The following SNTG1 variants were observed in gnomAD, a reference collection of about 807,000 sequenced individuals.
The protein encoded by SNTG1 is gamma-1-syntrophin.
In SNTG1, 39 loss-of-function variants were observed where a neutral mutation model predicts 74.7. That is an observed-to-expected ratio of 0.52 (90% CI 0.40 to 0.68). The LOEUF (loss-of-function observed/expected upper bound fraction) is 0.68, where lower values mean the gene tolerates loss of function less well. SNTG1 is among the 30% of genes least tolerant of loss of function. The pLI, the probability that SNTG1 is intolerant of heterozygous loss-of-function variation, is 0.00. For missense variants in SNTG1, 685 were observed against 609.5 expected (o/e 1.12, Z -1.30); for synonymous variants, 254 against 217.1 (o/e 1.17, Z -1.49).
At chr8:50,212,542 T>C (rs2084571678) in intron 2 of SNTG1, among the ~76,000 whole-genome samples, 1 of 152,080 alleles carries the variant, frequency 6.6e-6, no homozygotes, top group Non-Finnish European at 1.5e-5. Context: ...CAAGAATTCA[T>C]GGTAAGAGGG....
At chr8:50,152,635 G>A (rs979190151) in intron 1 of SNTG1, among the ~76,000 whole-genome samples, 4 of 152,134 alleles carry the variant, frequency 2.6e-5, no homozygotes, top group African/African-American at 9.7e-5. Flanking sequence ...TTGCTTGTCT[G>A]TAAAGGATTT....
At chr8:50,075,103 T>C (rs531803448) in intron 1 of SNTG1, among the ~76,000 whole-genome samples, 1 of 152,292 alleles carries the variant, frequency 6.6e-6, no homozygotes, top group South Asian at 2.1e-4. Context: ...CCCTGAAAAG[T>C]AGGACTCAGG....
chr8:50,748,103 A>G (rs2095559295), intron 17 of SNTG1, among the ~76,000 whole-genome samples: 1 of 152,074 alleles, frequency 6.6e-6, no homozygotes, highest in East Asian at 1.9e-4. Context: ...ATACATATGT[A>G]CAAATGGAGA....
intron 8 of SNTG1, among the ~76,000 whole-genome samples, chr8:50,472,706 G>A (rs2093662888): frequency 6.6e-6 from 1 of 151,902 alleles, no homozygotes. Context: ...GTGCATCAAA[G>A]GACACAGTCA....
intron 1 of SNTG1, among the ~76,000 whole-genome samples, chr8:49,937,873 C>A (rs1188770456): frequency 2.6e-5 from 4 of 152,164 alleles, no homozygotes; most frequent in South Asian, 2.1e-4. Context: ...TGCCTTCCTC[C>A]CTCCTCCTTC....
At chr8:50,435,029 T>A (rs1352793566) in intron 4 of SNTG1, among the ~76,000 whole-genome samples, 2 of 152,142 alleles carry the variant, frequency 1.3e-5, no homozygotes, top group African/African-American at 4.8e-5. Flanking sequence ...TCCAATATAG[T>A]TCATACAATC....
At chr8:50,254,521 A>G (rs1173109538) in intron 2 of SNTG1, among the ~76,000 whole-genome samples, 9 of 152,112 alleles carry the variant, frequency 5.9e-5, no homozygotes, top group Admixed American at 5.9e-4. Flanking sequence ...GAACTATGAC[A>G]AGACTAAAAG....
intron 2 of SNTG1, among the ~76,000 whole-genome samples, chr8:50,363,336 C>T (rs1189190812): frequency 6.6e-6 from 1 of 152,114 alleles, no homozygotes; most frequent in East Asian, 1.9e-4. Flanking sequence ...GGTGGTGAAT[C>T]TGGGAGGTAA....
At chr8:50,369,213 G>A (rs1194780929) in intron 2 of SNTG1, among the ~76,000 whole-genome samples, 1 of 152,192 alleles carries the variant, frequency 6.6e-6, no homozygotes. Flanking sequence ...TAATGTGACT[G>A]TATTTCATGG....
intron 1 of SNTG1, among the ~76,000 whole-genome samples, chr8:49,979,127 TG>T (rs1158545377): frequency 3.3e-5 from 5 of 152,198 alleles, no homozygotes; most frequent in Non-Finnish European, 7.3e-5. Context: ...AATTTGGTAG[TG>T]TAACTAGCAG....
intron 8 of SNTG1, among the ~76,000 whole-genome samples, chr8:50,502,352 C>T (rs969906400): frequency 1.3e-5 from 2 of 152,136 alleles, no homozygotes; most frequent in African/African-American, 4.8e-5. Flanking sequence ...TACATCTTAG[C>T]TTATTTTATG....
At chr8:50,366,857 T>C (rs1470165851) in intron 2 of SNTG1, among the ~76,000 whole-genome samples, 2 of 146,150 alleles carry the variant, frequency 1.4e-5, no homozygotes, top group African/African-American at 5.0e-5. Context: ...CTATATTATA[T>C]ATATTATAGT....
At chr8:50,093,664 C>T (rs192970225) in intron 1 of SNTG1, among the ~76,000 whole-genome samples, 2 of 151,908 alleles carry the variant, frequency 1.3e-5, no homozygotes, top group Non-Finnish European at 2.9e-5. Context: ...GTAAGACCTA[C>T]GAGATGCTAA....
intron 18 of SNTG1, among the ~76,000 whole-genome samples, chr8:50,781,819 G>T (rs532061739): frequency 7.2e-5 from 11 of 152,110 alleles, no homozygotes; most frequent in Non-Finnish European, 1.5e-4. Context: ...TTACAATTTG[G>T]CATGATTTTG....
intron 2 of SNTG1, among the ~76,000 whole-genome samples, chr8:50,247,321 C>G (rs888250521): frequency 3.9e-5 from 6 of 152,118 alleles, no homozygotes; most frequent in African/African-American, 1.4e-4. Flanking sequence ...TTCTTCCACC[C>G]AAGTTTCACC....
In SNTG1 at chr8:50,362,162, G is replaced by C. The variant is rs184032641; in HGVS notation, c.-27-32050G>C. On this transcript the variant is annotated intron_variant, in intron 2 of 18. Coordinates refer to ENST00000642720, the MANE Select transcript of SNTG1 (RefSeq NM_018967.5). ...ACTATGGATTTTGTAAGCCAGGGAA[G>C]GGCTTGCTACATTTTATTGTCCCCT... 7.9e-5 allele frequency among the ~76,000 whole-genome samples: 12 copies of C among 152,264 alleles called. No homozygotes were observed. The East Asian group carries it at 2.1e-3, about 27-fold the overall frequency.
chr8:50,638,104 G>A (rs922412828), intron 13 of SNTG1, among the ~76,000 whole-genome samples: 3 of 152,100 alleles, frequency 2.0e-5, no homozygotes, highest in African/African-American at 7.2e-5. Flanking sequence ...TACACTGGTG[G>A]CTTTCCAGAT....
intron 2 of SNTG1, chr8:50,286,863 C>A (rs79931415): frequency 0.049 from 7,466 of 152,226 alleles, 231 homozygotes; most frequent in Middle Eastern, 0.11. Flanking sequence ...AGGCTTCTGC[C>A]CCATGACTCA....
At chr8:50,362,193 A>C (rs2091978198) in intron 2 of SNTG1, among the ~76,000 whole-genome samples, 1 of 152,102 alleles carries the variant, frequency 6.6e-6, no homozygotes, top group South Asian at 2.1e-4. Context: ...CCCCTCATTG[A>C]GTTCACTTCT....
Sources: allele counts gnomAD v4.1 joint callset (sites outside exome capture counted in the v4.1 genomes callset), GRCh38; gene constraint gnomAD v4.1.1; transcripts MANE v1.5; gene names NCBI Gene and HGNC (gene_info 2026-07-23, HGNC 2026-07-21).